The following YARS1 variants were observed in gnomAD, a reference collection of about 807,000 sequenced individuals.
YARS1 encodes tyrosine--tRNA ligase, cytoplasmic.
Under a neutral mutation model 62.2 loss-of-function variants are expected in YARS1, and 36 were observed. The observed-to-expected ratio is 0.58, with a 90% CI of 0.44 to 0.76. The LOEUF (loss-of-function observed/expected upper bound fraction) is 0.76. Among genes scored for constraint, YARS1 ranks in the 30% least tolerant of loss-of-function variants. The pLI is 0.00. For synonymous variants in YARS1, 234 were observed against 244.9 expected (o/e 0.96, Z 0.42); for missense variants, 524 against 639.8 (o/e 0.82, Z 1.95).
intron 4 of YARS1, among the ~76,000 whole-genome samples, chr1:32,800,106 A>G (rs1046579830): frequency 1.3e-4 from 20 of 151,936 alleles, no homozygotes; most frequent in African/African-American, 4.4e-4. Flanking sequence ...TCAGCCTCAC[A>G]AGTAGCTGGG....
At chr1:32,804,905 G>A (rs1309675643) in intron 4 of YARS1, among the ~76,000 whole-genome samples, 1 of 152,098 alleles carries the variant, frequency 6.6e-6, no homozygotes. Context: ...AGGTTGTAGC[G>A]AGCTGAGATC....
At chr1:32,810,370 T>G (rs775707258) in intron 3 of YARS1, among the ~76,000 whole-genome samples, 3 of 152,196 alleles carry the variant, frequency 2.0e-5, no homozygotes, top group Non-Finnish European at 4.4e-5. Context: ...ACGTTTATAT[T>G]TCCAGCAAAT....
rs768160751 is a variant in YARS1 at position 32,776,081 on chromosome 1, T to C, written c.1487A>G (p.Lys496Arg). ...CTGTGCGATGCACTCCTCAGAAATTTTGAAGTCAGCCTGGACAAGACAGAT... is the reference window on the plus strand; with the variant it reads ...CTGTGCGATGCACTCCTCAGAAATTCTGAAGTCAGCCTGGACAAGACAGAT... The part of the protein sequence containing the change: ...KVFEKLQADF[K>R]ISEECIAQWK... The change falls in exon 13 of 13, where the codon AAA becomes AGA. Residue 496 changes from lysine to arginine, a missense_variant. Lys to Arg is a conservative substitution (Grantham distance 26, BLOSUM62 2). Transcript: ENST00000373477. The surrounding 1 kb of genome is among the most constrained non-coding windows in gnomAD (Gnocchi z 4.0). 9.9e-6 allele frequency: 16 copies of C among 1,613,746 alleles called. No homozygotes were observed. Among genetic ancestry groups the C allele is most frequent in the Admixed American group, 5.0e-5 (3 of 59,962 alleles).
intron 9 of YARS1, chr1:32,781,618 G>A: frequency 5.6e-6 from 1 of 177,504 alleles, no homozygotes; most frequent in Non-Finnish European, 1.2e-5. Flanking sequence ...GTCGCACAAA[G>A]CTATCAATGC....
intron 1 of YARS1, among the ~76,000 whole-genome samples, chr1:32,814,516 A>G (rs923777250): frequency 1.3e-5 from 2 of 152,146 alleles, no homozygotes; most frequent in Non-Finnish European, 2.9e-5. Flanking sequence ...CAGTCTCCCA[A>G]ATAGCTGGAA....
Position 32,812,768 on chromosome 1 carries a change from G to A in YARS1, c.58-1711C>T, listed in dbSNP as rs535031255. Among the ~76,000 whole-genome samples the A allele has an allele frequency of 2.8e-3, 430 of 152,202 alleles. 2 individuals are homozygous for A. Among genetic ancestry groups the A allele is most frequent in the African/African-American group, 0.01 (417 of 41,530 alleles). ...CGGGCAGATCATCAGATCAGGGGTCGAGACCAGCCTGGCCAACATGGTGAA... is the reference window on the plus strand; with the variant it reads ...CGGGCAGATCATCAGATCAGGGGTCAAGACCAGCCTGGCCAACATGGTGAA... On this transcript the variant is annotated intron_variant, in intron 1 of 12. Transcript: ENST00000373477.
At chr1:32,782,295 T>G in intron 9 of YARS1, 109 bp downstream of exon 9, 2 of 1,583,846 alleles carry the variant, frequency 1.3e-6, no homozygotes, top group Non-Finnish European at 1.7e-6. Context: ...ATTCCTGCAC[T>G]TCAGACCCCC....
Position 32,776,130 on chromosome 1 carries a change from T to A in YARS1, c.1477-39A>T, listed in dbSNP as rs200709057. The A allele has an allele frequency of 5.0e-5, 78 of 1,549,752 alleles. No homozygotes were observed. In the East Asian group the frequency reaches 1.7e-3, roughly 33 times the overall value. ...ATAAGAGAGATTTTAATGATGGTGG[T>A]GGGACTGCAAGAAAACCCCCCCTTT... On this transcript the variant is annotated intron_variant, in intron 12 of 12. Transcript: ENST00000373477. This position sits in a 1 kb window ranked among gnomAD's most constrained non-coding sequence, Gnocchi z 4.0.
intron 3 of YARS1, among the ~76,000 whole-genome samples, chr1:32,809,392 TTTTC>T (rs1408364684): frequency 4.6e-5 from 7 of 152,144 alleles, no homozygotes; most frequent in East Asian, 1.9e-4. Flanking sequence ...CTGGCCCTAT[TTTTC>T]TTTCTTTCTT....
intron 5 of YARS1, among the ~76,000 whole-genome samples, chr1:32,792,897 AAAAT>A (rs1050520656): frequency 6.0e-5 from 9 of 151,192 alleles, no homozygotes; most frequent in African/African-American, 1.7e-4. Context: ...AATAAAAATA[AAAAT>A]AAATAAATAA....
chr1:32,809,692 A>T (rs1638540080), intron 3 of YARS1, among the ~76,000 whole-genome samples: 1 of 152,242 alleles, frequency 6.6e-6, no homozygotes, highest in African/African-American at 2.4e-5. Flanking sequence ...CAGGAAAGTT[A>T]AATCTGAATT....
intron 4 of YARS1, 134 bp downstream of exon 4, chr1:32,806,348 A>C: frequency 2.1e-6 from 3 of 1,405,022 alleles, no homozygotes; most frequent in Non-Finnish European, 3.0e-6. Context: ...TGCTGTACAC[A>C]GGGTTGCCAC....
chr1:32,811,358 A>G (rs1034017348), intron 1 of YARS1: 3 of 439,886 alleles, frequency 6.8e-6, no homozygotes, highest in African/African-American at 6.0e-5. Flanking sequence ...CTCCCAGCAC[A>G]TCAAAGAACG....
At chr1:32,780,966 C>G in intron 10 of YARS1, 82 bp downstream of exon 10, 1 of 1,313,672 alleles carries the variant, frequency 7.6e-7, no homozygotes, top group South Asian at 1.2e-5. Context: ...TACTTCCCAT[C>G]TCCAGGCCAC....
intron 5 of YARS1, chr1:32,797,478 T>G: frequency 2.1e-6 from 1 of 484,340 alleles, no homozygotes. Flanking sequence ...AACTGGGCTA[T>G]TAGGAAAGGA....
At chr1:32,777,575 C>T (rs1652910383) in intron 12 of YARS1, among the ~76,000 whole-genome samples, 2 of 152,158 alleles carry the variant, frequency 1.3e-5, no homozygotes, top group African/African-American at 4.8e-5. Context: ...TGTGCCACTG[C>T]ACTCCAGCTT....
At chr1:32,782,595 C>G in intron 8 of YARS1, 56 bp from the exon 9 acceptor site, 1 of 1,610,524 alleles carries the variant, frequency 6.2e-7, no homozygotes, top group Non-Finnish European at 8.5e-7. Context: ...CACAGGACAC[C>G]TGAATCCAAA....
chr1:32,815,970 G>A (rs1638711526), intron 1 of YARS1, among the ~76,000 whole-genome samples: 2 of 152,000 alleles, frequency 1.3e-5, no homozygotes, highest in African/African-American at 2.4e-5. Context: ...TTAGCCGGGC[G>A]TGGGGGCGGT....
chr1:32,797,269 G>A (rs2148610050), intron 5 of YARS1, among the ~76,000 whole-genome samples: 1 of 151,746 alleles, frequency 6.6e-6, no homozygotes, highest in East Asian at 1.9e-4. Flanking sequence ...CTACTTGGGA[G>A]GCTGAGGTGG....
Sources: allele counts gnomAD v4.1 joint callset (sites outside exome capture counted in the v4.1 genomes callset), GRCh38; gene constraint gnomAD v4.1.1; non-coding constraint Gnocchi (gnomAD v3.1); transcripts MANE v1.5; gene names NCBI Gene and HGNC (gene_info 2026-07-23, HGNC 2026-07-21).